AP3D1: variants seen among roughly 807,000 people sequenced by gnomAD.
AP3D1 encodes adaptor related protein complex 3 subunit delta 1.
In AP3D1, 51 loss-of-function variants were observed where a neutral mutation model predicts 147.6. The observed-to-expected ratio is 0.35, with a 90% CI of 0.28 to 0.44. The LOEUF (loss-of-function observed/expected upper bound fraction) is 0.44, where lower values mean the gene tolerates loss of function less well. Ranked by LOEUF, AP3D1 falls within the 20% of genes least tolerant of loss-of-function variation. The pLI is 1.00. For synonymous variants in AP3D1, 760 were observed against 663.0 expected (o/e 1.15, Z -2.25); for missense variants, 1,421 against 1,624.2 (o/e 0.87, Z 2.15).
chr19:2,130,635 C>A, intron 5 of AP3D1, 98 bp from the exon 6 acceptor site: 1 of 1,546,276 alleles, frequency 6.5e-7, no homozygotes, highest in South Asian at 1.2e-5. Context: ...AGATGCCCTC[C>A]AGCCCGACGC....
At chr19:2,128,507 G>C (rs371516677) in intron 8 of AP3D1, among the ~76,000 whole-genome samples, 3 of 71,232 alleles carry the variant, frequency 4.2e-5, no homozygotes, top group African/African-American at 2.0e-4. Flanking sequence ...GAGCCGGCCC[G>C]CCCCACAGCT....
At chr19:2,117,046 C>G (rs932014615) in intron 16 of AP3D1, 176 bp downstream of exon 16, 2 of 898,438 alleles carry the variant, frequency 2.2e-6, no homozygotes, top group Admixed American at 6.4e-5. Context: ...GAAGCCAGAT[C>G]CCAGAACCAG....
Position 2,114,541 on chromosome 19 carries a change from G to A in AP3D1, c.2423+207C>T, listed in dbSNP as rs181199637. ...AGACCTCCCGAGCACCCCAGGCCTG[G>A]AGACTTCAGAGTCCACACTTAAGAG... On this transcript the variant is annotated intron_variant, in intron 21 of 31. Transcript: ENST00000643116. 3.3e-3 allele frequency among the ~76,000 whole-genome samples: 498 copies of A among 152,266 alleles called. 3 individuals carry two copies. The highest frequency in any genetic ancestry group is 0.011 in the African/African-American group (476 of 41,546).
At chr19:2,157,224 C>G (rs189621459) in intron 1 of AP3D1, among the ~76,000 whole-genome samples, 3 of 151,150 alleles carry the variant, frequency 2.0e-5, no homozygotes, top group African/African-American at 7.3e-5. Context: ...GGGCGGATCA[C>G]GAGGTCAGGA....
chr19:2,102,606 T>C (rs1427079055), intron 31 of AP3D1, among the ~76,000 whole-genome samples: 4 of 151,936 alleles, frequency 2.6e-5, no homozygotes, highest in Non-Finnish European at 5.9e-5. Context: ...CGGGTGCCTG[T>C]AGTCCCAGCT....
intron 19 of AP3D1, 53 bp from the exon 20 acceptor site, chr19:2,115,471 G>C: frequency 1.2e-6 from 2 of 1,608,296 alleles, no homozygotes; most frequent in Non-Finnish European, 8.5e-7. Context: ...GGGCTCACGG[G>C]GAGGGCGGCG....
chr19:2,123,775 A>T (rs2018675112), intron 10 of AP3D1, 55 bp downstream of exon 10: 1 of 1,543,562 alleles, frequency 6.5e-7, no homozygotes, highest in East Asian at 2.4e-5. Flanking sequence ...GCCTGTGGAA[A>T]GGTGTGGCCT....
chr19:2,162,681 TC>T (rs1284615132), intron 1 of AP3D1, among the ~76,000 whole-genome samples: 6 of 112,090 alleles, frequency 5.4e-5, no homozygotes, highest in Non-Finnish European at 1.0e-4. Flanking sequence ...ACCCCCCCAC[TC>T]AAAAAAAAAA....
intron 30 of AP3D1, 95 bp downstream of exon 30, chr19:2,108,991 G>T: frequency 6.4e-7 from 1 of 1,560,222 alleles, no homozygotes; most frequent in South Asian, 1.2e-5. Flanking sequence ...GTGTGAGTTT[G>T]GGTGGGAGGG....
chr19:2,140,888 A>G (rs2019203159), intron 1 of AP3D1, among the ~76,000 whole-genome samples: 2 of 150,138 alleles, frequency 1.3e-5, no homozygotes, highest in Non-Finnish European at 3.0e-5. Context: ...CCTCCTGAGT[A>G]GCTAGGATTA....
intron 1 of AP3D1, among the ~76,000 whole-genome samples, chr19:2,146,544 C>A (rs1188675025): frequency 6.9e-6 from 1 of 145,710 alleles, no homozygotes; most frequent in Non-Finnish European, 1.5e-5. Flanking sequence ...GCAGAGGTTG[C>A]AGTGAGCCAA....
rs769457714 is a variant in AP3D1 at position 2,110,213 on chromosome 19, C to T, written c.3187G>A (p.Glu1063Lys). The T allele has an allele frequency of 1.2e-5, 20 of 1,611,854 alleles. No individual in the cohort carries two copies. Among genetic ancestry groups the T allele is most frequent in the South Asian group, 1.2e-4 (11 of 91,012 alleles). The change falls in exon 28 of 32, where the codon GAA becomes AAA. Residue 1063 changes from glutamate (E) to lysine (K), a missense_variant. This residue lies in a region of AP3D1 where 791 missense variants were observed against 761.4 expected (regional missense o/e 1.04). Transcript: ENST00000643116. Reference sequence around the variant, plus strand: ...TGGATGGTGAACACATACTGGGCTTCGTTGGAGACGCCTGGCGGGGGCGAG... The same window carrying T: ...TGGATGGTGAACACATACTGGGCTTTGTTGGAGACGCCTGGCGGGGGCGAG... ...PFQLPPGVSN[E>K]AQYVFTIQSI...
Position 2,109,953 on chromosome 19 carries a change from G to C in AP3D1, c.3270C>G (p.Asp1090Glu). Residue 1090 changes from aspartate to glutamate, a missense_variant, in exon 29 of 32, where the codon GAC becomes GAG. Asp to Glu is a conservative substitution (Grantham distance 45). Transcript: ENST00000643116. ...CCAGCTTCTCGTGGGTCGCACCCTC[G>C]TCATTCTGCGGTGGAGTGAAGGTGG... ...KGTLSFIAKN[D>E]EGATHEKLDF... is the part of the protein sequence containing the mutation. 6.2e-7 allele frequency: 1 copy of C among 1,613,642 alleles called. No homozygotes were observed.
At chr19:2,107,909 TGC>T (rs1434340898) in intron 31 of AP3D1, among the ~76,000 whole-genome samples, 1 of 152,168 alleles carries the variant, frequency 6.6e-6, no homozygotes, top group Non-Finnish European at 1.5e-5. Flanking sequence ...GATGATTCCT[TGC>T]GCTAATTCTT....
chr19:2,121,004 G>A lies in AP3D1; in HGVS notation c.1339C>T (p.Arg447Cys), dbSNP rs2018594486. The A allele has an allele frequency of 1.2e-6, 2 of 1,612,290 alleles. No individual in the cohort carries two copies. Among genetic ancestry groups the A allele is most frequent in the South Asian group, 1.1e-5 (1 of 91,084 alleles). ...IAAQMLDVAI[R>C]VKAIRKFAVS... ...GCGAACTTGCGGATGGCCTTCACGC[G>A]GATGGCCACGTCCAGCATTTGGGCG... The change falls in exon 14 of 32, where the codon CGC becomes TGC. Residue 447 changes from arginine (R) to cysteine (C), a missense_variant. Arg to Cys is a radical substitution (Grantham distance 180). Transcript: ENST00000643116.
intron 31 of AP3D1, among the ~76,000 whole-genome samples, chr19:2,104,432 A>G: frequency 6.6e-6 from 1 of 150,606 alleles, no homozygotes. Context: ...CGAGGCACCA[A>G]CTCCAAGATG....
rs545622798 is a variant in AP3D1 at position 2,130,426 on chromosome 19, G to C, written c.574C>G (p.Leu192Val). 2 of 1,614,006 alleles carry C rather than the reference G, an allele frequency of 1.2e-6. No homozygotes were observed. The highest frequency in any genetic ancestry group is 1.3e-5 in the African/African-American group (1 of 75,058). Residue 192 changes from leucine to valine, a missense_variant, in exon 6 of 32, where the codon CTG (leucine) becomes GTG (valine). By Grantham distance (32) the Leu-to-Val change is conservative. This residue lies in a region of AP3D1 where 292 missense variants were observed against 412.0 expected (regional missense o/e 0.71). Transcript: ENST00000643116. ...CACAAACCGGGGTCGGGGTCCTCCA[G>C]CTTCTCCTTCAGCCGGGGAAAGGCA... ...RPAFPRLKEKLEDPDPGVQSA... is the reference protein window; with the variant it reads ...RPAFPRLKEKVEDPDPGVQSA...
At chr19:2,113,644 G>A (rs967328591) in intron 22 of AP3D1, among the ~76,000 whole-genome samples, 7 of 152,258 alleles carry the variant, frequency 4.6e-5, no homozygotes, top group Non-Finnish European at 1.5e-5. Context: ...CTGTGGGTGG[G>A]TGTGTGCCAT....
In AP3D1 at chr19:2,109,940, G is replaced by A; in HGVS notation, c.3283C>T (p.His1095Tyr). 1 of 1,613,692 alleles carries A rather than the reference G, an allele frequency of 6.2e-7. No individual in the cohort carries two copies. The highest frequency in any genetic ancestry group is 1.7e-4 in the Middle Eastern group (1 of 6,036). Residue 1095 changes from histidine (H) to tyrosine (Y), a missense_variant, in exon 29 of 32, where the codon CAC becomes TAC. His to Tyr is a moderately conservative substitution (Grantham distance 83). This residue lies in a region of AP3D1 where 791 missense variants were observed against 761.4 expected (regional missense o/e 1.04). Coordinates refer to ENST00000643116, the MANE Select transcript of AP3D1 (RefSeq NM_001261826.3). ...TGCAGCCTGAAGTCCAGCTTCTCGT[G>A]GGTCGCACCCTCGTCATTCTGCGGT... ...FIAKNDEGAT[H>Y]EKLDFRLHFS... is the part of the protein sequence containing the mutation.
Sources: allele counts gnomAD v4.1 joint callset (sites outside exome capture counted in the v4.1 genomes callset), GRCh38; gene constraint gnomAD v4.1.1; regional missense constraint gnomAD v4.1.1; transcripts MANE v1.5; gene names NCBI Gene and HGNC (gene_info 2026-07-23, HGNC 2026-07-21).